HGD: variants seen among roughly 807,000 people sequenced by gnomAD.
HGD encodes homogentisate oxidase.
In HGD, 61 loss-of-function variants were observed where a neutral mutation model predicts 60.8. The ratio of observed to expected loss-of-function variants is 1.00; its 90% CI spans 0.82 to 1.24. HGD has a LOEUF of 1.24. HGD is among the 50% of genes most tolerant of loss of function. The pLI is 0.00. For synonymous variants in HGD, 212 were observed against 187.7 expected (o/e 1.13, Z -1.06); for missense variants, 542 against 547.1 (o/e 0.99, Z 0.09).
Position 120,638,323 on chromosome 3 carries a change from G to A in HGD, c.1006+132C>T, listed in dbSNP as rs952593580. Reference sequence around the variant, plus strand: ...AGCTTGGGGATCAGCACTAGGCCTTGTGCAGCAGGATCCTGAATTCATGCC... The same window carrying A: ...AGCTTGGGGATCAGCACTAGGCCTTATGCAGCAGGATCCTGAATTCATGCC... On this transcript the variant is annotated intron_variant, in intron 12 of 13. Transcript: ENST00000283871. 8.2e-6 allele frequency: 9 copies of A among 1,102,734 alleles called. No individual in the cohort carries two copies. In the African/African-American group the frequency reaches 9.2e-5, roughly 11 times the overall value. 68.3% of individuals were successfully genotyped at this position (1,102,734 alleles called of 1,614,324 possible).
At chr3:120,635,322 A>G (rs1312622012) in intron 12 of HGD, among the ~76,000 whole-genome samples, 1 of 151,930 alleles carries the variant, frequency 6.6e-6, no homozygotes, top group Admixed American at 6.6e-5. Context: ...CTAAAAATAC[A>G]AAAAATTAGC....
intron 4 of HGD, among the ~76,000 whole-genome samples, chr3:120,664,426 CTTTTT>C (rs71133513): frequency 1.8e-4 from 21 of 118,806 alleles, no homozygotes; most frequent in Non-Finnish European, 3.2e-4. Flanking sequence ...TTTTTTCTTC[CTTTTT>C]TTTTTTTTTT....
chr3:120,632,647 T>C (rs757680039), intron 13 of HGD, among the ~76,000 whole-genome samples: 12 of 152,212 alleles, frequency 7.9e-5, no homozygotes, highest in Non-Finnish European at 1.6e-4. Context: ...CCTCCGCTAC[T>C]ACTGTGGCCC....
rs2551624 is a variant in HGD at position 120,647,924 on chromosome 3, G to A, written c.435-13C>T. ...ATTGTAAAAGCATCTGAAACATATA[G>A]AGTAATTCTTGTGATTTTCAGTTTT... On this transcript the variant is annotated splice_polypyrimidine_tract_variant and intron_variant, in intron 6 of 13. Coordinates refer to ENST00000283871, the MANE Select transcript of HGD (RefSeq NM_000187.4). 6.2e-7 allele frequency: 1 copy of A among 1,602,130 alleles called. No homozygotes were observed. Among genetic ancestry groups the A allele is most frequent in the African/African-American group, 1.3e-5 (1 of 74,768 alleles).
intron 10 of HGD, 31 bp downstream of exon 10, chr3:120,644,288 C>T: frequency 6.2e-7 from 1 of 1,613,198 alleles, no homozygotes; most frequent in East Asian, 2.2e-5. Flanking sequence ...CTCTTCATTT[C>T]CTCCCTTGCC....
intron 1 of HGD, 77 bp from the exon 2 acceptor site, chr3:120,675,940 G>A (rs543271176): frequency 4.7e-6 from 5 of 1,072,488 alleles, no homozygotes; most frequent in Admixed American, 3.4e-5. Flanking sequence ...GTTTACTAAG[G>A]TAAGAATTTC....
intron 13 of HGD, among the ~76,000 whole-genome samples, chr3:120,630,632 G>A (rs1940555494): frequency 6.6e-6 from 1 of 151,768 alleles, no homozygotes; most frequent in Non-Finnish European, 1.5e-5. Flanking sequence ...ACTCATGATG[G>A]ATTAAGGACT....
At chr3:120,669,183 CT>C (rs1707968710) in intron 4 of HGD, among the ~76,000 whole-genome samples, 1 of 152,044 alleles carries the variant, frequency 6.6e-6, no homozygotes, top group Non-Finnish European at 1.5e-5. Context: ...ACTCTCACCC[CT>C]ATGCCAGATT....
At chr3:120,675,054 C>T in intron 2 of HGD, 65 bp from the exon 3 acceptor site, 1 of 1,088,454 alleles carries the variant, frequency 9.2e-7, no homozygotes, top group South Asian at 1.2e-5. Context: ...TTCCCACCAA[C>T]CAACTCAGTA....
intron 4 of HGD, among the ~76,000 whole-genome samples, chr3:120,653,414 G>A (rs1162475979): frequency 6.6e-6 from 1 of 152,122 alleles, no homozygotes; most frequent in African/African-American, 2.4e-5. Context: ...ACGTTTCATG[G>A]AGCGACCCGC....
chr3:120,649,670 G>A (rs1941277559), intron 6 of HGD, among the ~76,000 whole-genome samples: 1 of 152,190 alleles, frequency 6.6e-6, no homozygotes, highest in Admixed American at 6.5e-5. Context: ...CCAACTGAAA[G>A]GCACCCTGGG....
At chr3:120,643,611 A>G (rs1941063585) in intron 10 of HGD, among the ~76,000 whole-genome samples, 1 of 152,244 alleles carries the variant, frequency 6.6e-6, no homozygotes, top group Non-Finnish European at 1.5e-5. Flanking sequence ...GAAGAATAAC[A>G]TACCTTGGAA....
At position 120,628,510 on chromosome 3, in the gene HGD, G is replaced by C; in HGVS notation, c.1208C>G (p.Ser403Cys). 1.2e-6 allele frequency: 2 copies of C among 1,614,074 alleles called. No individual in the cohort carries two copies. Among genetic ancestry groups the C allele is most frequent in the Non-Finnish European group, 1.7e-6 (2 of 1,179,964 alleles). Reference sequence around the variant, plus strand: ...CCACTTTGTGACCGCCAGACTTAAAGATGATTCAAACATAAATGCCTGGAG... The same window carrying C: ...CCACTTTGTGACCGCCAGACTTAAACATGATTCAAACATAAATGCCTGGAG... ...DGTMAFMFES[S>C]LSLAVTKWGL... The change falls in exon 14 of 14, where the codon TCT (serine) becomes TGT (cysteine). Residue 403 changes from serine to cysteine, a missense_variant. Physicochemically the swap from Ser to Cys is moderately radical, Grantham distance 112. This residue lies in a region of HGD where 537 missense variants were observed against 529.1 expected (regional missense o/e 1.01). Transcript: ENST00000283871.
At chr3:120,631,478 ATACT>A (rs991231606) in intron 13 of HGD, among the ~76,000 whole-genome samples, 1 of 150,112 alleles carries the variant, frequency 6.7e-6, no homozygotes, top group Admixed American at 6.8e-5. Flanking sequence ...ATAAATATAC[ATACT>A]TATTATGTAT....
At position 120,644,384 on chromosome 3, in the gene HGD, G is replaced by A. The variant is rs1171237852; in HGVS notation, c.709C>T (p.Arg237Cys). The change falls in exon 10 of 14, where the codon CGC becomes TGC. Residue 237 changes from arginine (R) to cysteine (C), a missense_variant. Around this residue, in one of 2 missense-constraint regions of HGD, gnomAD observed 537 missense variants for 529.1 expected, o/e 1.01. Transcript: ENST00000283871. ...FLIPIAWYED[R>C]QVPGGYTVIN... ...ACCGTGTAACCACCTGGTACTTGGC[G>A]ATCCTCATACCAGGCAATGGGTATC... 10 of 1,613,912 alleles carry A rather than the reference G, an allele frequency of 6.2e-6. No homozygotes were observed. Among genetic ancestry groups the A allele is most frequent in the African/African-American group, 4.0e-5 (3 of 74,900 alleles).
intron 12 of HGD, among the ~76,000 whole-genome samples, chr3:120,638,074 T>TCATGTGATATGCCA (rs1940839720): frequency 6.6e-6 from 1 of 152,204 alleles, no homozygotes; most frequent in Non-Finnish European, 1.5e-5. Context: ...TCCTTTCTCT[T>TCATGTGATATGCCA]GCTTGCTCTC....
intron 13 of HGD, among the ~76,000 whole-genome samples, chr3:120,629,187 A>C (rs1295821576): frequency 6.6e-6 from 1 of 152,226 alleles, no homozygotes; most frequent in South Asian, 2.1e-4. Flanking sequence ...TGTCCACAAC[A>C]GAAAGAATAT....
At position 120,682,187 on chromosome 3, in the gene HGD, C is replaced by T; in HGVS notation, c.-76G>A. On this transcript the variant is annotated 5_prime_UTR_variant, in exon 1 of 14. Coordinates refer to ENST00000283871, the MANE Select transcript of HGD (RefSeq NM_000187.4). Reference sequence around the variant, plus strand: ...TATAAAGCCACAATGCTTCTTTCTCCTTCAAACCACTCTTTGGATATTCCG... The same window carrying T: ...TATAAAGCCACAATGCTTCTTTCTCTTTCAAACCACTCTTTGGATATTCCG... The T allele has an allele frequency of 1.4e-6, 2 of 1,387,190 alleles. No homozygotes were observed. Among genetic ancestry groups the T allele is most frequent in the Non-Finnish European group, 2.1e-6 (2 of 973,624 alleles). The allele number at this position is 1,387,190 out of a possible 1,614,324, so 85.9% of individuals were successfully genotyped here.
intron 9 of HGD, 168 bp from the exon 10 acceptor site, chr3:120,644,611 C>T: frequency 6.5e-7 from 1 of 1,533,742 alleles, no homozygotes; most frequent in Non-Finnish European, 8.7e-7. Flanking sequence ...TTAGGAAGAC[C>T]CAAGGAATCT....
Sources: gnomAD v4.1 joint callset for allele counts (sites outside exome capture counted in the v4.1 genomes callset) on GRCh38, gnomAD v4.1.1 for gene constraint, gnomAD v4.1.1 regional missense constraint, MANE v1.5 for transcripts, NCBI Gene and HGNC (gene_info 2026-07-23, HGNC 2026-07-21) for gene names.